The following TMEM178B variants were observed in gnomAD, a reference collection of about 807,000 sequenced individuals.
The protein encoded by TMEM178B is transmembrane protein 178B.
A neutral mutation model predicts 31.0 loss-of-function variants in TMEM178B; 5 were observed. The ratio of observed to expected loss-of-function variants is 0.16; its 90% CI spans 0.08 to 0.34. TMEM178B has a LOEUF of 0.34. TMEM178B is among the 10% of genes least tolerant of loss of function. The pLI is 1.00. For synonymous variants in TMEM178B, 164 were observed against 164.0 expected, an observed-to-expected ratio of 1.00 and a Z score of 0.00; for missense variants, 275 against 400.3, an observed-to-expected ratio of 0.69 and a Z score of 2.67.
chr7:141,082,647 A>T (rs1487509082), intron 1 of TMEM178B, among the ~76,000 whole-genome samples: 1 of 152,244 alleles, frequency 6.6e-6, no homozygotes, highest in Non-Finnish European at 1.5e-5. Flanking sequence ...AAATGAATGG[A>T]TGGAGTAAAG....
intron 2 of TMEM178B, among the ~76,000 whole-genome samples, chr7:141,377,545 C>G (rs1428636979): frequency 2.0e-5 from 3 of 152,016 alleles, no homozygotes; most frequent in Non-Finnish European, 2.9e-5. Context: ...GCAGTGGACA[C>G]CTGTAATCAC....
chr7:141,436,833 G>T (rs1413079684), intron 2 of TMEM178B, among the ~76,000 whole-genome samples: 1 of 152,142 alleles, frequency 6.6e-6, no homozygotes, highest in Non-Finnish European at 1.5e-5. Context: ...TCTTCCTCCT[G>T]GAGCTGATGG....
At chr7:141,128,799 G>T (rs1034838993) in intron 1 of TMEM178B, among the ~76,000 whole-genome samples, 1 of 151,930 alleles carries the variant, frequency 6.6e-6, no homozygotes. Flanking sequence ...TAGAAGCCAG[G>T]CCACATTCTC....
In TMEM178B at chr7:141,344,602, TCCTTCCTTCCTTCCTTCCTTCCTTCCTC is replaced by T. The variant is rs1799582678; in HGVS notation, c.497-92996_497-92969del. Among the ~76,000 whole-genome samples, 2 of 149,648 alleles carry T rather than the reference TCCTTCCTTCCTTCCTTCCTTCCTTCCTC, an allele frequency of 1.3e-5. No individual in the cohort carries two copies. The highest frequency in any genetic ancestry group is 3.0e-5 in the Non-Finnish European group (2 of 67,566). On this transcript the variant is annotated intron_variant, in intron 2 of 3. Coordinates refer to ENST00000565468, the MANE Select transcript of TMEM178B (RefSeq NM_001195278.2). The surrounding 1 kb of genome is among the most constrained non-coding windows in gnomAD (Gnocchi z 4.1). ...TTCCTTCCTTCCTTCCTTCCTTCCT[TCCTTCCTTCCTTCCTTCCTTCCTTCCTC>T]CCTTCCTTCTTCCCTTCATCAAAAG... is the stretch of plus-strand genomic sequence containing the variant.
At chr7:141,113,034 A>G (rs994772726) in intron 1 of TMEM178B, among the ~76,000 whole-genome samples, 2 of 152,202 alleles carry the variant, frequency 1.3e-5, no homozygotes, top group Non-Finnish European at 2.9e-5. Flanking sequence ...TATTAAGTAG[A>G]TATTTGGAAT....
the TMEM178B span, among the ~76,000 whole-genome samples, chr7:141,498,261 A>G: frequency 2.0e-5 from 3 of 152,222 alleles, no homozygotes; most frequent in East Asian, 1.9e-4. Flanking sequence ...AACAGGGACT[A>G]TAGGAATAAG....
chr7:141,107,148 G>A (rs1345165620), intron 1 of TMEM178B, among the ~76,000 whole-genome samples: 1 of 152,190 alleles, frequency 6.6e-6, no homozygotes, highest in African/African-American at 2.4e-5. Context: ...TCTAAAGCTG[G>A]AGTATGCCCA....
At chr7:141,367,895 C>T (rs192668066) in intron 2 of TMEM178B, among the ~76,000 whole-genome samples, 3 of 151,976 alleles carry the variant, frequency 2.0e-5, no homozygotes, top group Non-Finnish European at 4.4e-5. Context: ...TAGAGCAGGT[C>T]GACCTTGGAG....
chr7:141,247,778 A>G (rs1023048941), intron 2 of TMEM178B, among the ~76,000 whole-genome samples: 32 of 152,200 alleles, frequency 2.1e-4, no homozygotes, highest in Admixed American at 2.0e-3. Flanking sequence ...GTAAACAATG[A>G]CCAAATTTTT....
At chr7:141,158,172 T>A (rs1796105817) in intron 1 of TMEM178B, among the ~76,000 whole-genome samples, 1 of 152,206 alleles carries the variant, frequency 6.6e-6, no homozygotes, top group African/African-American at 2.4e-5. Flanking sequence ...CTCGGCTCAC[T>A]GCAGCCTCCA....
In TMEM178B at chr7:141,196,632, A is replaced by G. The variant is rs868241642; in HGVS notation, c.383-15959A>G. Among the ~76,000 whole-genome samples the G allele has an allele frequency of 3.9e-5, 6 of 152,306 alleles. No homozygotes were observed. In the Middle Eastern group the frequency reaches 0.01, roughly 259 times the overall value. ...TAGGGGACACTTGTTTAACTAACCCATATAACCCTTGCAGGTCAAAGGTGA... is the reference window on the plus strand; with the variant it reads ...TAGGGGACACTTGTTTAACTAACCCGTATAACCCTTGCAGGTCAAAGGTGA... On this transcript the variant is annotated intron_variant, in intron 1 of 3. Coordinates refer to ENST00000565468, the MANE Select transcript of TMEM178B (RefSeq NM_001195278.2).
intron 2 of TMEM178B, among the ~76,000 whole-genome samples, chr7:141,274,418 T>C (rs1798233803): frequency 6.6e-6 from 1 of 152,190 alleles, no homozygotes; most frequent in Admixed American, 6.5e-5. Context: ...ACAACTCACT[T>C]GCTGCAAAAA....
intron 2 of TMEM178B, among the ~76,000 whole-genome samples, chr7:141,428,261 G>A (rs1801356717): frequency 6.6e-6 from 1 of 151,598 alleles, no homozygotes; most frequent in Non-Finnish European, 1.5e-5. Context: ...CCAGCTACTT[G>A]GGAGGCTGAG....
intron 2 of TMEM178B, among the ~76,000 whole-genome samples, chr7:141,237,051 G>C (rs966379060): frequency 6.6e-6 from 1 of 152,238 alleles, no homozygotes; most frequent in Non-Finnish European, 1.5e-5. Flanking sequence ...GTTTCACCAA[G>C]TAATCTGAGA....
intron 2 of TMEM178B, among the ~76,000 whole-genome samples, chr7:141,410,148 G>A (rs1800955824): frequency 6.6e-6 from 1 of 152,184 alleles, no homozygotes; most frequent in Non-Finnish European, 1.5e-5. Context: ...GTGTAAAAAG[G>A]GGCATGTGTT....
At chr7:141,215,912 CT>C (rs769869162) in intron 2 of TMEM178B, among the ~76,000 whole-genome samples, 24 of 26,800 alleles carry the variant, frequency 9.0e-4, no homozygotes, top group Middle Eastern at 0.05. Flanking sequence ...TTCTTTCTTT[CT>C]TTTTTTTTTT....
chr7:141,307,897 A>G (rs1798841555), intron 2 of TMEM178B, among the ~76,000 whole-genome samples: 1 of 152,206 alleles, frequency 6.6e-6, no homozygotes, highest in Non-Finnish European at 1.5e-5. Flanking sequence ...TGTTAGAAAT[A>G]TGGAACCAAC....
intron 2 of TMEM178B, among the ~76,000 whole-genome samples, chr7:141,376,702 C>G (rs1050124309): frequency 2.0e-5 from 3 of 152,166 alleles, no homozygotes; most frequent in African/African-American, 7.2e-5. Flanking sequence ...ATTTTAATGG[C>G]ACAAACCACC....
chr7:141,497,656 G>A, the TMEM178B span, among the ~76,000 whole-genome samples: 154 of 152,166 alleles, frequency 1.0e-3, 1 homozygote, highest in African/African-American at 3.6e-3. Context: ...TCTTGTCTTC[G>A]TGTTACACCT....
Sources: gnomAD v4.1 joint callset for allele counts (sites outside exome capture counted in the v4.1 genomes callset) on GRCh38, gnomAD v4.1.1 for gene constraint, Gnocchi (gnomAD v3.1) non-coding constraint, MANE v1.5 for transcripts, NCBI Gene and HGNC (gene_info 2026-07-23, HGNC 2026-07-21) for gene names.